CEP63: variants seen among roughly 807,000 people sequenced by gnomAD.
CEP63 encodes centrosomal protein 63, also known as centrosomal protein of 63 kDa.
CEP63 carries 84 observed loss-of-function variants against 89.1 expected under a neutral mutation model. That is an observed-to-expected ratio of 0.94 (90% CI 0.79 to 1.13). The LOEUF (loss-of-function observed/expected upper bound fraction) is 1.13. Among genes scored for constraint, CEP63 ranks in the 50% most tolerant of loss-of-function variants. CEP63 has a pLI of 0.00. For synonymous variants in CEP63, 267 were observed against 272.5 expected (o/e 0.98, Z 0.20); for missense variants, 838 against 813.3 (o/e 1.03, Z -0.37).
chr3:134,668,492 C>T, the CEP63 span, among the ~76,000 whole-genome samples: 1 of 152,198 alleles, frequency 6.6e-6, no homozygotes, highest in East Asian at 1.9e-4. Flanking sequence ...CAGCCCTTAG[C>T]CCCCAGGAAT....
chr3:134,525,137 C>A (rs538039978), intron 3 of CEP63, among the ~76,000 whole-genome samples: 2 of 152,056 alleles, frequency 1.3e-5, no homozygotes, highest in Non-Finnish European at 2.9e-5. Flanking sequence ...CGAATTTATC[C>A]ATTTCTTCTA....
the CEP63 span, among the ~76,000 whole-genome samples, chr3:134,760,142 TC>T: frequency 9.4e-5 from 14 of 148,240 alleles, no homozygotes; most frequent in Non-Finnish European, 1.9e-4. Context: ...CACTGCAAGC[TC>T]CGCCTCCCGG....
chr3:134,492,070 C>CT (rs74269453), intron 1 of CEP63, among the ~76,000 whole-genome samples: 62,310 of 103,804 alleles, frequency 0.6, 19,972 homozygotes, highest in East Asian at 0.79. Flanking sequence ...TATTTGTATT[C>CT]TTTTTTTTTT....
chr3:134,687,380 C>G, the CEP63 span, among the ~76,000 whole-genome samples: 1 of 152,198 alleles, frequency 6.6e-6, no homozygotes, highest in African/African-American at 2.4e-5. Context: ...CTGCAGCAAA[C>G]ACAGAGCGGT....
the CEP63 span, among the ~76,000 whole-genome samples, chr3:134,761,397 G>A: frequency 2.0e-5 from 3 of 152,346 alleles, no homozygotes; most frequent in Admixed American, 6.5e-5. Context: ...CTCCCTCCAG[G>A]AGAAAGGCAT....
At chr3:134,558,109 A>G in intron 12 of CEP63, 33 bp from the exon 13 acceptor site, 3 of 1,546,870 alleles carry the variant, frequency 1.9e-6, no homozygotes, top group South Asian at 1.1e-5. Context: ...ATTCTTGTAC[A>G]GATTAAGTGA....
the CEP63 span, among the ~76,000 whole-genome samples, chr3:134,688,825 C>T: frequency 1.3e-5 from 2 of 152,218 alleles, no homozygotes; most frequent in Non-Finnish European, 2.9e-5. Flanking sequence ...TCCCTGGCCA[C>T]TGGATGCTCT....
chr3:134,694,815 A>G, the CEP63 span, among the ~76,000 whole-genome samples: 2 of 152,194 alleles, frequency 1.3e-5, no homozygotes, highest in East Asian at 1.9e-4. Context: ...TTTCTTTCTC[A>G]GCATGTCAGG....
At chr3:134,718,931 T>C in the CEP63 span, among the ~76,000 whole-genome samples, 142,191 of 152,284 alleles carry the variant, frequency 0.93, 66,404 homozygotes, top group East Asian at 1. Flanking sequence ...ATTGAGGTTA[T>C]GGTTATATAA....
the CEP63 span, chr3:134,610,424 T>G: frequency 6.4e-7 from 1 of 1,565,786 alleles, no homozygotes; most frequent in African/African-American, 1.4e-5. Flanking sequence ...GATCCCGCTG[T>G]GGCTTGCCTC....
the CEP63 span, among the ~76,000 whole-genome samples, chr3:134,637,112 A>G: frequency 6.6e-6 from 1 of 152,242 alleles, no homozygotes; most frequent in Non-Finnish European, 1.5e-5. Context: ...TGCAAAGCAT[A>G]GCTTTGAAGG....
the CEP63 span, among the ~76,000 whole-genome samples, chr3:134,606,197 G>A: frequency 6.6e-6 from 1 of 152,224 alleles, no homozygotes; most frequent in Non-Finnish European, 1.5e-5. Flanking sequence ...GCACAGTGAA[G>A]CCCAGATCCC....
At chr3:134,702,528 A>T in the CEP63 span, among the ~76,000 whole-genome samples, 1 of 152,326 alleles carries the variant, frequency 6.6e-6, no homozygotes, top group African/African-American at 2.4e-5. Context: ...GAGCAGACAC[A>T]TAGACTAATG....
the CEP63 span, among the ~76,000 whole-genome samples, chr3:134,716,542 G>A: frequency 1.3e-5 from 2 of 152,124 alleles, no homozygotes; most frequent in Admixed American, 1.3e-4. Context: ...GGGTTGTCTA[G>A]GGTCTGTCTA....
At chr3:134,526,650 T>C (rs1271697259) in intron 3 of CEP63, among the ~76,000 whole-genome samples, 3 of 152,182 alleles carry the variant, frequency 2.0e-5, no homozygotes, top group Non-Finnish European at 2.9e-5. Context: ...AGAAGTGATA[T>C]GGTTGTTTGG....
At chr3:134,762,090 C>T in the CEP63 span, among the ~76,000 whole-genome samples, 17 of 152,106 alleles carry the variant, frequency 1.1e-4, no homozygotes, top group Non-Finnish European at 2.4e-4. Context: ...ATGTGTGAGA[C>T]CAGCAGACAC....
At chr3:134,574,696 C>A in intron 11 of CEP63, 1 of 452,382 alleles carries the variant, frequency 2.2e-6, no homozygotes, top group Non-Finnish European at 4.0e-6. Flanking sequence ...CAACCTCCAC[C>A]TCCTGGGCTC....
At chr3:134,602,637 A>C in the CEP63 span, among the ~76,000 whole-genome samples, 1 of 150,650 alleles carries the variant, frequency 6.6e-6, no homozygotes, top group African/African-American at 2.4e-5. Flanking sequence ...TATCCACAAG[A>C]CTCCCCAAGG....
At chr3:134,701,325 C>CGTATATATGTGTAT in the CEP63 span, among the ~76,000 whole-genome samples, 1 of 38,304 alleles carries the variant, frequency 2.6e-5, no homozygotes, top group African/African-American at 5.9e-5. Context: ...TGTATATATA[C>CGTATATATGTGTAT]ATATACACAC....
Sources: allele counts gnomAD v4.1 joint callset (sites outside exome capture counted in the v4.1 genomes callset), GRCh38; gene constraint gnomAD v4.1.1; transcripts MANE v1.5; gene names NCBI Gene and HGNC (gene_info 2026-07-23, HGNC 2026-07-21).